The following AGBL4 variants were observed in gnomAD, a reference collection of about 807,000 sequenced individuals.
AGBL4 encodes cytosolic carboxypeptidase 6.
Under a neutral mutation model 66.4 loss-of-function variants are expected in AGBL4, and 58 were observed. The ratio of observed to expected loss-of-function variants is 0.87; its 90% confidence interval spans 0.71 to 1.09. The LOEUF is 1.09. AGBL4 is among the 50% of genes least tolerant of loss of function. The probability of loss-of-function intolerance (pLI) is 0.00; values close to 1 mark genes in which losing one functional copy is unlikely to be tolerated. For missense variants in AGBL4, 579 were observed against 631.0 expected (o/e 0.92, Z 0.88); for synonymous variants, 234 against 222.9 (o/e 1.05, Z -0.44).
chr1:49,174,887 A>G (rs901962029), intron 4 of AGBL4: 1 of 152,088 alleles, frequency 6.6e-6, no homozygotes, highest in African/African-American at 2.4e-5. Flanking sequence ...ATGCCCATTA[A>G]CTGAGGATGA....
chr1:49,427,137 A>C (rs1645679172), intron 3 of AGBL4, among the ~76,000 whole-genome samples: 1 of 152,076 alleles, frequency 6.6e-6, no homozygotes, highest in Non-Finnish European at 1.5e-5. Context: ...GAAAGAAAAA[A>C]CATTGATTGA....
chr1:48,616,340 G>A (rs765784916), intron 9 of AGBL4, among the ~76,000 whole-genome samples: 3 of 152,118 alleles, frequency 2.0e-5, no homozygotes, highest in Admixed American at 6.5e-5. Context: ...TTCAGAGCTC[G>A]TATAACCTCT....
intron 5 of AGBL4, among the ~76,000 whole-genome samples, chr1:48,963,252 A>G (rs1270739441): frequency 1.3e-5 from 2 of 151,962 alleles, no homozygotes; most frequent in Non-Finnish European, 2.9e-5. Context: ...TAATCCATTC[A>G]TGAGGGCAGC....
At chr1:49,289,250 A>C (rs999968813) in intron 3 of AGBL4, among the ~76,000 whole-genome samples, 2 of 152,208 alleles carry the variant, frequency 1.3e-5, no homozygotes, top group African/African-American at 4.8e-5. Flanking sequence ...ATGGGTTTAA[A>C]TAACATATTA....
At chr1:48,775,698 G>A (rs1329561348) in intron 6 of AGBL4, among the ~76,000 whole-genome samples, 1 of 152,220 alleles carries the variant, frequency 6.6e-6, no homozygotes, top group Non-Finnish European at 1.5e-5. Context: ...CAGCATGGCA[G>A]GAAGAACTGG....
chr1:48,592,566 G>A (rs1241586610), intron 9 of AGBL4, among the ~76,000 whole-genome samples: 1 of 152,170 alleles, frequency 6.6e-6, no homozygotes, highest in Admixed American at 6.5e-5. Flanking sequence ...GATTCAACAG[G>A]AGCCCTATAA....
intron 2 of AGBL4, among the ~76,000 whole-genome samples, chr1:49,829,621 C>CTTA (rs1557488608): frequency 2.0e-5 from 3 of 151,998 alleles, no homozygotes; most frequent in South Asian, 2.1e-4. Context: ...ATAATTAAAT[C>CTTA]TTATTATTAT....
chr1:48,816,851 G>A (rs907050716), intron 6 of AGBL4, among the ~76,000 whole-genome samples: 1 of 152,172 alleles, frequency 6.6e-6, no homozygotes, highest in South Asian at 2.1e-4. Flanking sequence ...TACATGCTAC[G>A]ATAGAGGTTT....
chr1:49,938,422 G>A (rs991125057), intron 1 of AGBL4, among the ~76,000 whole-genome samples: 1 of 152,184 alleles, frequency 6.6e-6, no homozygotes, highest in Non-Finnish European at 1.5e-5. Context: ...GAGGTACAAG[G>A]AGGAACTGGT....
intron 1 of AGBL4, among the ~76,000 whole-genome samples, chr1:49,978,756 G>T (rs939599168): frequency 3.3e-5 from 5 of 152,066 alleles, no homozygotes; most frequent in African/African-American, 1.2e-4. Flanking sequence ...ATGGGTAAAG[G>T]AATAGAAGAA....
chr1:49,249,628 A>AAAGT (rs1651895479), intron 3 of AGBL4, among the ~76,000 whole-genome samples: 1 of 152,232 alleles, frequency 6.6e-6, no homozygotes, highest in Non-Finnish European at 1.5e-5. Flanking sequence ...GTGAGAATGG[A>AAAGT]AAGTAGTACA....
intron 2 of AGBL4, chr1:49,846,250 C>T (rs773541809): frequency 2.7e-5 from 39 of 1,466,000 alleles, no homozygotes; most frequent in Middle Eastern, 1.7e-4. Flanking sequence ...ATGAGTGTCA[C>T]GATTGTGGAA....
chr1:49,437,418 T>G (rs1204279106), intron 3 of AGBL4, among the ~76,000 whole-genome samples: 1 of 152,150 alleles, frequency 6.6e-6, no homozygotes, highest in Non-Finnish European at 1.5e-5. Flanking sequence ...TACCCCAAGC[T>G]TTTCTAAGTT....
At chr1:49,984,858 C>A (rs1659367446) in intron 1 of AGBL4, among the ~76,000 whole-genome samples, 1 of 152,138 alleles carries the variant, frequency 6.6e-6, no homozygotes. Context: ...GGAGCAATCA[C>A]TGCAGAGGCA....
At chr1:49,689,570 T>C (rs139366329) in intron 3 of AGBL4, among the ~76,000 whole-genome samples, 133 of 152,258 alleles carry the variant, frequency 8.7e-4, no homozygotes, top group African/African-American at 3.1e-3. Context: ...ATTGTGGCTC[T>C]ATATAAATTT....
intron 1 of AGBL4, among the ~76,000 whole-genome samples, chr1:49,954,068 T>G (rs1356068417): frequency 6.6e-6 from 1 of 151,706 alleles, no homozygotes; most frequent in African/African-American, 2.4e-5. Context: ...TAATTTTTCT[T>G]TTTTTTGGTA....
intron 3 of AGBL4, among the ~76,000 whole-genome samples, chr1:49,503,307 A>C (rs1648359292): frequency 6.6e-6 from 1 of 152,188 alleles, no homozygotes; most frequent in Non-Finnish European, 1.5e-5. Context: ...GGATGTATGC[A>C]AACACCTGGA....
chr1:48,999,222 A>G (rs183556524), intron 5 of AGBL4, among the ~76,000 whole-genome samples: 25 of 152,312 alleles, frequency 1.6e-4, no homozygotes, highest in Non-Finnish European at 2.9e-4. Flanking sequence ...TGCAGAAGAA[A>G]ACAAATCTCA....
chr1:48,849,398 T>C (rs1255906070), intron 6 of AGBL4, among the ~76,000 whole-genome samples: 1 of 152,256 alleles, frequency 6.6e-6, no homozygotes, highest in Non-Finnish European at 1.5e-5. Flanking sequence ...TGAAAAAGTA[T>C]GCTGGTCATA....
Sources: allele counts gnomAD v4.1 joint callset (sites outside exome capture counted in the v4.1 genomes callset), GRCh38; gene constraint gnomAD v4.1.1; transcripts MANE v1.5; gene names NCBI Gene and HGNC (gene_info 2026-07-23, HGNC 2026-07-21).